PBX1: variants seen among roughly 807,000 people sequenced by gnomAD.
The protein encoded by PBX1 is pre-B-cell leukemia transcription factor 1.
In PBX1, 6 loss-of-function variants were observed where a neutral mutation model predicts 53.4. The ratio of observed to expected loss-of-function variants is 0.11; its 90% CI spans 0.06 to 0.22. The LOEUF (loss-of-function observed/expected upper bound fraction) is 0.22. Ranked by LOEUF, PBX1 falls within the 10% of genes least tolerant of loss-of-function variation. The pLI, the probability that PBX1 is intolerant of heterozygous loss-of-function variation, is 1.00. For missense variants in PBX1, 251 were observed against 551.4 expected (o/e 0.46, Z 5.46); for synonymous variants, 204 against 212.3 (o/e 0.96, Z 0.34).
intron 2 of PBX1, among the ~76,000 whole-genome samples, chr1:164,657,571 T>C (rs933059799): frequency 6.6e-6 from 1 of 152,220 alleles, no homozygotes; most frequent in African/African-American, 2.4e-5. Context: ...TCAAAATTCA[T>C]GCAAGAGGCT....
chr1:164,821,665 A>G, intron 8 of PBX1, 39 bp downstream of exon 8: 2 of 1,466,114 alleles, frequency 1.4e-6, no homozygotes, highest in Non-Finnish European at 1.9e-6. Context: ...CTTTGTTTTT[A>G]TTCTTTCACT....
At chr1:164,652,402 T>G (rs1221390789) in intron 2 of PBX1, among the ~76,000 whole-genome samples, 1 of 152,242 alleles carries the variant, frequency 6.6e-6, no homozygotes, top group Non-Finnish European at 1.5e-5. Context: ...TATAACCTTG[T>G]GTCATTTACA....
At chr1:164,842,641 C>A (rs1671358924) in intron 8 of PBX1, among the ~76,000 whole-genome samples, 1 of 151,990 alleles carries the variant, frequency 6.6e-6, no homozygotes, top group Non-Finnish European at 1.5e-5. Flanking sequence ...GTCACACGTC[C>A]CAGGTGTTGC....
At chr1:164,719,024 TA>T (rs146035524) in intron 2 of PBX1, among the ~76,000 whole-genome samples, 4,295 of 148,810 alleles carry the variant, frequency 0.029, 235 homozygotes, top group African/African-American at 0.1. Flanking sequence ...TTTGGCTGAT[TA>T]AAAAAAAAAG....
chr1:164,569,867 T>G (rs1034131096), intron 2 of PBX1, among the ~76,000 whole-genome samples: 2 of 152,174 alleles, frequency 1.3e-5, no homozygotes, highest in Non-Finnish European at 2.9e-5. Flanking sequence ...CCTGTTTCCC[T>G]TGCTATTCTC....
In PBX1 at chr1:164,802,957, A is replaced by G. The variant is rs74573754; in HGVS notation, c.701+3068A>G. Among the ~76,000 whole-genome samples the G allele has an allele frequency of 3.7e-3, 565 of 152,134 alleles. 7 individuals carry two copies. Among genetic ancestry groups the G allele is most frequent in the African/African-American group, 0.013 (533 of 41,494 alleles). On this transcript the variant is annotated intron_variant, in intron 4 of 8. Transcript: ENST00000420696. Reference sequence around the variant, plus strand: ...TTAATCTTAACTGTTTTTCTATAACATTTTTCTGGAAATAACAGTAACACA... The same window carrying G: ...TTAATCTTAACTGTTTTTCTATAACGTTTTTCTGGAAATAACAGTAACACA...
intron 2 of PBX1, among the ~76,000 whole-genome samples, chr1:164,791,365 C>A (rs1009386909): frequency 5.9e-5 from 9 of 152,236 alleles, no homozygotes; most frequent in Non-Finnish European, 1.2e-4. Flanking sequence ...CCTACCAGAG[C>A]ACTGGCTTCC....
At chr1:164,857,827 G>T (rs1465636173) in intron 2 of PBX1, among the ~76,000 whole-genome samples, 1 of 152,152 alleles carries the variant, frequency 6.6e-6, no homozygotes, top group Non-Finnish European at 1.5e-5. Context: ...TCAATAAAAT[G>T]AAGACAATTC....
At chr1:164,713,871 G>T (rs1663935139) in intron 2 of PBX1, among the ~76,000 whole-genome samples, 1 of 152,174 alleles carries the variant, frequency 6.6e-6, no homozygotes, top group Non-Finnish European at 1.5e-5. Context: ...AAGGACAAAT[G>T]ATATGTCGAA....
intron 2 of PBX1, among the ~76,000 whole-genome samples, chr1:164,876,765 G>A (rs1457602208): frequency 6.6e-6 from 1 of 152,078 alleles, no homozygotes; most frequent in Non-Finnish European, 1.5e-5. Flanking sequence ...AGAAGAAGGG[G>A]AGAGTCCTCC....
chr1:164,815,955 G>GTT, intron 6 of PBX1: 1 of 152,190 alleles, frequency 6.6e-6, no homozygotes, highest in Non-Finnish European at 1.5e-5. Context: ...CCTATGAGAA[G>GTT]TTTTTATATA....
At chr1:164,567,376 A>G (rs994517256) in intron 2 of PBX1, among the ~76,000 whole-genome samples, 1 of 152,148 alleles carries the variant, frequency 6.6e-6, no homozygotes, top group Non-Finnish European at 1.5e-5. Context: ...GTAGAAGGTC[A>G]TCGATAGCCA....
At chr1:164,653,711 G>A (rs571538446) in intron 2 of PBX1, among the ~76,000 whole-genome samples, 38 of 152,230 alleles carry the variant, frequency 2.5e-4, no homozygotes, top group African/African-American at 7.9e-4. Flanking sequence ...CGGAGGTTGC[G>A]GTGAGCCAAG....
At chr1:164,606,128 A>AT (rs1266557270) in intron 2 of PBX1, among the ~76,000 whole-genome samples, 2 of 152,204 alleles carry the variant, frequency 1.3e-5, no homozygotes, top group Non-Finnish European at 2.9e-5. Flanking sequence ...TTCTTTCATT[A>AT]TTCAAGAGTT....
At chr1:164,594,502 C>T (rs1027536508) in intron 2 of PBX1, among the ~76,000 whole-genome samples, 6 of 151,980 alleles carry the variant, frequency 3.9e-5, no homozygotes, top group Non-Finnish European at 7.4e-5. Context: ...AGGCTGGTCT[C>T]GAACTCCTGA....
rs1226498919 is a variant in PBX1, at chr1:164,884,492, T to A, written n.258-14696T>A. The A allele has an allele frequency of 6.2e-6, 3 of 482,246 alleles. No homozygotes were observed. The East Asian group carries it at 1.5e-4, about 24-fold the overall frequency. The allele number at this position is 482,246 out of a possible 1,614,324, so 29.9% of individuals were successfully genotyped here. A position where few individuals can be genotyped will look rare whatever the true frequency, so the allele number is the denominator to read the frequency against. ...GCAGTCATGATGAAAGATCTGTGGA[T>A]AGGGGGTGTTAAAGTTGTGAGTTAA... is the stretch of plus-strand genomic sequence containing the variant. On this transcript the variant is annotated intron_variant and non_coding_transcript_variant, in intron 2 of 2. Transcript: ENST00000558796.
chr1:164,857,663 C>T (rs932627809), intron 2 of PBX1, among the ~76,000 whole-genome samples: 6 of 152,156 alleles, frequency 3.9e-5, no homozygotes, highest in African/African-American at 1.4e-4. Flanking sequence ...AAAGACTCTC[C>T]TATCACCCTT....
intron 2 of PBX1, among the ~76,000 whole-genome samples, chr1:164,870,151 CTT>C (rs1672314158): frequency 6.6e-6 from 1 of 152,130 alleles, no homozygotes; most frequent in Non-Finnish European, 1.5e-5. Flanking sequence ...GATCAAGTAA[CTT>C]TAATTATTCT....
intron 2 of PBX1, among the ~76,000 whole-genome samples, chr1:164,789,345 T>C (rs535868574): frequency 2.0e-5 from 3 of 152,076 alleles, no homozygotes; most frequent in Non-Finnish European, 4.4e-5. Flanking sequence ...CTGAGAGGGG[T>C]TGGAAAGAGG....
Sources: gnomAD v4.1 joint callset for allele counts (sites outside exome capture counted in the v4.1 genomes callset) on GRCh38, gnomAD v4.1.1 for gene constraint, MANE v1.5 for transcripts, NCBI Gene and HGNC (gene_info 2026-07-23, HGNC 2026-07-21) for gene names.